The following DNAH11 variants were observed in gnomAD, a reference collection of about 807,000 sequenced individuals.
DNAH11 encodes the protein axonemal beta dynein heavy chain 11.
A neutral mutation model predicts 526.0 loss-of-function variants in DNAH11; 442 were observed. That is an observed-to-expected ratio of 0.84 (90% CI 0.78 to 0.91). The LOEUF (loss-of-function observed/expected upper bound fraction) is 0.91. DNAH11 is among the 40% of genes least tolerant of loss of function. The pLI is 0.00. For synonymous variants in DNAH11, 2,461 were observed against 1,935.9 expected (o/e 1.27, Z -7.12); for missense variants, 6,989 against 5,448.7 (o/e 1.28, Z -8.90).
chr7:21,699,672 AT>A (rs1227770157), intron 36 of DNAH11, among the ~76,000 whole-genome samples: 2 of 151,474 alleles, frequency 1.3e-5, no homozygotes, highest in Non-Finnish European at 1.5e-5. Flanking sequence ...GGGTGTTTTT[AT>A]TTTTTTCCTT....
intron 62 of DNAH11, 24 bp from the exon 63 acceptor site, chr7:21,807,859 T>G: frequency 6.3e-7 from 1 of 1,577,610 alleles, no homozygotes; most frequent in Non-Finnish European, 8.7e-7. Context: ...CAATTACAGC[T>G]GAGTAATTTC....
intron 49 of DNAH11, among the ~76,000 whole-genome samples, chr7:21,744,189 A>G (rs1029881771): frequency 6.6e-6 from 1 of 152,258 alleles, no homozygotes; most frequent in African/African-American, 2.4e-5. Flanking sequence ...TGTGATATTT[A>G]GTGCCTGTGC....
chr7:21,799,222 C>G (rs1293304421), intron 61 of DNAH11, among the ~76,000 whole-genome samples: 3 of 152,194 alleles, frequency 2.0e-5, no homozygotes, highest in Non-Finnish European at 4.4e-5. Flanking sequence ...GTAGCAGCAT[C>G]CAAATATCAA....
chr7:21,595,575 C>T (rs1404934276), intron 14 of DNAH11, among the ~76,000 whole-genome samples: 1 of 152,130 alleles, frequency 6.6e-6, no homozygotes, highest in African/African-American at 2.4e-5. Context: ...GGTGAATTTG[C>T]AATCTATTCA....
chr7:21,897,777 C>T (rs61114344), intron 79 of DNAH11, among the ~76,000 whole-genome samples: 19,741 of 152,022 alleles, frequency 0.13, 1,477 homozygotes, highest in East Asian at 0.28. Context: ...CCACCATGCC[C>T]GGCCAACTTT....
chr7:21,638,746 A>G (rs950690569), intron 27 of DNAH11, among the ~76,000 whole-genome samples, 193 bp from the exon 28 acceptor site: 24 of 148,182 alleles, frequency 1.6e-4, no homozygotes, highest in Admixed American at 1.4e-3. Context: ...TTGGCATAGT[A>G]CTCTTCTACT....
chr7:21,671,488 G>C (rs1417233931), intron 30 of DNAH11, among the ~76,000 whole-genome samples: 6 of 152,170 alleles, frequency 3.9e-5, no homozygotes, highest in Non-Finnish European at 7.4e-5. Context: ...ACATCTGGAA[G>C]ATCTGCCCAG....
rs185438846 is a variant in DNAH11 at position 21,772,747 on chromosome 7, C to T, written c.9103-1019C>T. On this transcript the variant is annotated intron_variant, in intron 55 of 81. Transcript: ENST00000409508. The stretch of plus-strand genomic sequence containing the variant: ...CAGCACAATGCAATATGTGGGTATT[C>T]CAAACCCACTCGGGAATTTGTCGTG... Among the ~76,000 whole-genome samples the T allele has an allele frequency of 2.2e-3, 336 of 152,204 alleles. 1 individual carries two copies. Among genetic ancestry groups the T allele is most frequent in the Middle Eastern group, 0.02 (6 of 294 alleles).
chr7:21,880,873 T>C lies in DNAH11; in HGVS notation c.12367T>C (p.Tyr4123His). The change falls in exon 75 of 82, where the codon TAC becomes CAC. Residue 4123 changes from tyrosine to histidine, a missense_variant. Transcript: ENST00000409508. ...CATTTGTGCCAGTGTCCTCTACAAC[T>C]ACTTAGAGGCAAACTCTAAAGTAAG... ...LTICASVLYN[Y>H]LEANSKVPWE... The C allele has an allele frequency of 6.2e-7, 1 of 1,605,676 alleles. No individual in the cohort carries two copies.
chr7:21,801,347 T>C (rs1788987347), intron 62 of DNAH11, 72 bp downstream of exon 62: 5 of 1,561,776 alleles, frequency 3.2e-6, no homozygotes, highest in Admixed American at 1.8e-5. Context: ...TTATTTGCCA[T>C]CAATAATAAC....
chr7:21,626,055 C>G (rs1786315762), intron 25 of DNAH11, among the ~76,000 whole-genome samples: 2 of 152,044 alleles, frequency 1.3e-5, no homozygotes, highest in African/African-American at 4.8e-5. Context: ...AAATATTTGT[C>G]TTTGTGCTAA....
At position 21,738,743 on chromosome 7, in the gene DNAH11, A is replaced by G. The variant is rs560401563; in HGVS notation, c.7688A>G (p.Tyr2563Cys). 28 of 1,585,752 alleles carry G rather than the reference A, an allele frequency of 1.8e-5. No homozygotes were observed. In the East Asian group the frequency reaches 5.2e-4, roughly 30 times the overall value. Reference sequence around the variant, plus strand: ...CTAGAGAAAAAAGCTGGTCATAACTATGGTCCTGGAGGAAATAAAAAATTG... The same window carrying G: ...CTAGAGAAAAAAGCTGGTCATAACTGTGGTCCTGGAGGAAATAAAAAATTG... ...KPLEKKAGHN[Y>C]GPGGNKKLIY... Residue 2563 changes from tyrosine (Y) to cysteine (C), a missense_variant, in exon 47 of 82, where the codon TAT (tyrosine) becomes TGT (cysteine). Tyr to Cys is a radical substitution (Grantham distance 194). Coordinates refer to ENST00000409508, the MANE Select transcript of DNAH11 (RefSeq NM_001277115.2).
chr7:21,728,737 G>A (rs775108537), intron 45 of DNAH11, among the ~76,000 whole-genome samples: 4 of 152,202 alleles, frequency 2.6e-5, no homozygotes, highest in Non-Finnish European at 4.4e-5. Context: ...GAAGTTACCT[G>A]CTTGCAAAAT....
intron 30 of DNAH11, among the ~76,000 whole-genome samples, chr7:21,666,799 C>G (rs80153822): frequency 0.056 from 8,516 of 151,510 alleles, 612 homozygotes; most frequent in Admixed American, 0.22. Context: ...ATCTGATAGC[C>G]TTATACTTTA....
intron 79 of DNAH11, 24 bp downstream of exon 79, chr7:21,895,023 C>T: frequency 1.3e-6 from 2 of 1,597,296 alleles, no homozygotes; most frequent in South Asian, 1.1e-5. Flanking sequence ...TCCTCACTGC[C>T]ACTGGCCCTG....
chr7:21,781,534 G>A (rs1787940699), intron 57 of DNAH11, among the ~76,000 whole-genome samples: 1 of 152,180 alleles, frequency 6.6e-6, no homozygotes, highest in Non-Finnish European at 1.5e-5. Context: ...CTTGAGTAGA[G>A]TGTAAACCTT....
Position 21,892,422 on chromosome 7 carries a change from A to G in DNAH11, c.12508-3A>G. ...ATAACTGACTTTTCCTTTGTGGTTC[A>G]AGACTGAAGATGAACTGATGCTGGC... On this transcript the variant is annotated splice_polypyrimidine_tract_variant and splice_region_variant and intron_variant, in intron 76 of 81. Coordinates refer to ENST00000409508, the MANE Select transcript of DNAH11 (RefSeq NM_001277115.2). 1 of 1,604,746 alleles carries G rather than the reference A, an allele frequency of 6.2e-7. No homozygotes were observed. The highest frequency in any genetic ancestry group is 8.5e-7 in the Non-Finnish European group (1 of 1,173,208).
intron 54 of DNAH11, among the ~76,000 whole-genome samples, chr7:21,761,382 T>C (rs1339351347): frequency 2.6e-5 from 4 of 152,064 alleles, no homozygotes; most frequent in Admixed American, 1.3e-4. Context: ...GAATTTAGAT[T>C]ACATGTAATT....
chr7:21,562,186 CATG>C (rs1562662315), intron 5 of DNAH11, among the ~76,000 whole-genome samples: 1 of 152,208 alleles, frequency 6.6e-6, no homozygotes, highest in Non-Finnish European at 1.5e-5. Context: ...TTAATCTTGT[CATG>C]ATCAACATTT....
Sources: gnomAD v4.1 joint callset for allele counts (sites outside exome capture counted in the v4.1 genomes callset) on GRCh38, gnomAD v4.1.1 for gene constraint, MANE v1.5 for transcripts, NCBI Gene and HGNC (gene_info 2026-07-23, HGNC 2026-07-21) for gene names.